The following CYP4Z1 variants were observed in gnomAD, a reference collection of about 807,000 sequenced individuals.
CYP4Z1 encodes cytochrome P450 4Z1.
CYP4Z1 carries 41 observed loss-of-function variants against 54.2 expected under a neutral mutation model. The ratio of observed to expected loss-of-function variants is 0.76; its 90% CI spans 0.59 to 0.98. The LOEUF (loss-of-function observed/expected upper bound fraction) is 0.98. Among genes scored for constraint, CYP4Z1 ranks in the 50% least tolerant of loss-of-function variants. The pLI, the probability that CYP4Z1 is intolerant of heterozygous loss-of-function variation, is 0.00. For synonymous variants in CYP4Z1, 163 were observed against 206.2 expected (o/e 0.79, Z 1.79); for missense variants, 513 against 599.0 (o/e 0.86, Z 1.50).
chr1:47,092,498 A>G (rs1315439539), intron 6 of CYP4Z1, among the ~76,000 whole-genome samples: 1 of 151,012 alleles, frequency 6.6e-6, no homozygotes, highest in Non-Finnish European at 1.5e-5. Context: ...GACAGTTTAG[A>G]GTAATTGAGA....
At chr1:47,117,022 A>G (rs1210473633) in intron 11 of CYP4Z1, among the ~76,000 whole-genome samples, 1 of 152,194 alleles carries the variant, frequency 6.6e-6, no homozygotes, top group African/African-American at 2.4e-5. Flanking sequence ...ATGGACAAGC[A>G]TTGGGAATGC....
intron 11 of CYP4Z1, 99 bp from the exon 12 acceptor site, chr1:47,117,667 G>C (rs984766284): frequency 7.7e-7 from 1 of 1,305,736 alleles, no homozygotes; most frequent in Non-Finnish European, 1.0e-6. Context: ...AATGGATCTT[G>C]TTTCCCTACA....
chr1:47,067,206 G>C (rs1569691774), upstream of CYP4Z1, among the ~76,000 whole-genome samples: 1 of 152,134 alleles, frequency 6.6e-6, no homozygotes, highest in Admixed American at 6.5e-5. Context: ...ATTCTGGAAG[G>C]GGACAGCAGT....
chr1:47,106,910 G>A (rs1242689765), intron 9 of CYP4Z1, among the ~76,000 whole-genome samples: 1 of 152,204 alleles, frequency 6.6e-6, no homozygotes, highest in Non-Finnish European at 1.5e-5. Flanking sequence ...AGACATAAAG[G>A]AATGAGCCAG....
Position 47,095,939 on chromosome 1 carries a change from T to C in CYP4Z1, c.876+1270T>C, listed in dbSNP as rs138080907. Among the ~76,000 whole-genome samples the C allele has an allele frequency of 5.0e-3, 756 of 152,228 alleles. 7 individuals carry two copies. Among genetic ancestry groups the C allele is most frequent in the African/African-American group, 0.017 (708 of 41,540 alleles). On this transcript the variant is annotated intron_variant, in intron 7 of 11. Transcript: ENST00000334194. ...TACTCTGTGAGGGACCAAAAATAAA[T>C]AGATACTCTGTGAGGGACCAAAATA...
At chr1:47,059,855 G>C in the CYP4Z1 span, among the ~76,000 whole-genome samples, 2 of 152,130 alleles carry the variant, frequency 1.3e-5, no homozygotes, top group Non-Finnish European at 2.9e-5. Context: ...CCTTCAGCCT[G>C]ACTGTGAGTT....
At chr1:47,078,546 AT>A (rs1644541840) in intron 2 of CYP4Z1, among the ~76,000 whole-genome samples, 1 of 137,360 alleles carries the variant, frequency 7.3e-6, no homozygotes, top group Non-Finnish European at 1.5e-5. Flanking sequence ...CCTCAATAAC[AT>A]TTTCTTTTCA....
chr1:47,102,597 T>C (rs1386251470), intron 8 of CYP4Z1, among the ~76,000 whole-genome samples: 1 of 152,208 alleles, frequency 6.6e-6, no homozygotes, highest in African/African-American at 2.4e-5. Flanking sequence ...GGGAATAGTA[T>C]CCTTGACTAA....
At position 47,082,480 on chromosome 1, in the gene CYP4Z1, A is replaced by G; in HGVS notation, c.492+19A>G. ...GATGCTGGTAAGAGGAGAAGAGAGC[A>G]TTCGTACCTGGCCTCTGAAGTGAGG... On this transcript the variant is annotated intron_variant, in intron 4 of 11. Coordinates refer to ENST00000334194, the MANE Select transcript of CYP4Z1 (RefSeq NM_178134.3). 3.1e-6 allele frequency: 5 copies of G among 1,599,396 alleles called. No homozygotes were observed. The highest frequency in any genetic ancestry group is 3.4e-6 in the Non-Finnish European group (4 of 1,173,056).
intron 9 of CYP4Z1, among the ~76,000 whole-genome samples, chr1:47,110,681 G>A (rs935765032): frequency 4.6e-5 from 7 of 152,052 alleles, no homozygotes; most frequent in African/African-American, 1.4e-4. Flanking sequence ...CTGTTCTGAT[G>A]ATCTTGGTGA....
chr1:47,110,240 C>T (rs548629478), intron 9 of CYP4Z1, among the ~76,000 whole-genome samples: 49 of 150,316 alleles, frequency 3.3e-4, no homozygotes, highest in Non-Finnish European at 6.5e-4. Flanking sequence ...AATGGGTGTT[C>T]CATGAAATCC....
chr1:47,106,544 G>C (rs1263532563), intron 9 of CYP4Z1, among the ~76,000 whole-genome samples: 2 of 152,148 alleles, frequency 1.3e-5, no homozygotes, highest in African/African-American at 2.4e-5. Context: ...TAAAGGACTA[G>C]ATTTATATCA....
At chr1:47,105,373 C>G (rs560272186) in intron 8 of CYP4Z1, among the ~76,000 whole-genome samples, 1 of 152,236 alleles carries the variant, frequency 6.6e-6, no homozygotes, top group African/African-American at 2.4e-5. Context: ...AGCTCTCTCT[C>G]TGGAGTAATG....
intron 9 of CYP4Z1, among the ~76,000 whole-genome samples, chr1:47,108,134 G>A (rs896135589): frequency 1.3e-5 from 2 of 152,152 alleles, no homozygotes; most frequent in African/African-American, 4.8e-5. Flanking sequence ...ACACCTTCTT[G>A]CCCTCCAGAG....
the CYP4Z1 span, among the ~76,000 whole-genome samples, chr1:47,061,650 GAGA>G: frequency 4.6e-5 from 7 of 152,296 alleles, no homozygotes; most frequent in African/African-American, 1.7e-4. Context: ...CCAAATAATT[GAGA>G]AGGAGGGACT....
the CYP4Z1 span, among the ~76,000 whole-genome samples, chr1:47,062,049 T>G: frequency 6.6e-6 from 1 of 152,192 alleles, no homozygotes; most frequent in Non-Finnish European, 1.5e-5. Flanking sequence ...ATAAGAGCCA[T>G]CTATGACAAA....
chr1:47,067,526 C>A lies in CYP4Z1; in HGVS notation c.36C>A (p.His12Gln), dbSNP rs780534056. 3.7e-6 allele frequency: 6 copies of A among 1,612,768 alleles called. No homozygotes were observed. The highest frequency in any genetic ancestry group is 3.3e-5 in the South Asian group (3 of 90,844). The change falls in exon 1 of 12, where the codon CAC (histidine) becomes CAA (glutamine). Residue 12 changes from histidine to glutamine, a missense_variant. Transcript: ENST00000334194. Reference protein sequence around the residue: ...EPSWLQELMAHPFLLLILLCM... With the variant: ...EPSWLQELMAQPFLLLILLCM... ...CCTGGCTTCAGGAACTCATGGCTCA[C>A]CCCTTCTTGCTGCTGATCCTCCTCT...
chr1:47,099,905 T>C (rs1644708938), intron 8 of CYP4Z1, among the ~76,000 whole-genome samples: 1 of 152,204 alleles, frequency 6.6e-6, no homozygotes, highest in South Asian at 2.1e-4. Flanking sequence ...AGCCATATAG[T>C]TGCAACCCTG....
intron 6 of CYP4Z1, among the ~76,000 whole-genome samples, chr1:47,086,249 G>T (rs1352579148): frequency 6.6e-6 from 1 of 152,126 alleles, no homozygotes; most frequent in Non-Finnish European, 1.5e-5. Context: ...TCTACTTCTA[G>T]ATCCTTGAGG....
Sources: allele counts gnomAD v4.1 joint callset (sites outside exome capture counted in the v4.1 genomes callset), GRCh38; gene constraint gnomAD v4.1.1; transcripts MANE v1.5; gene names NCBI Gene and HGNC (gene_info 2026-07-23, HGNC 2026-07-21).